ANGPT1: variants seen among roughly 807,000 people sequenced by gnomAD.
ANGPT1 encodes the protein angiopoietin-1.
In ANGPT1, 17 loss-of-function variants were observed where a neutral mutation model predicts 62.2. That is an observed-to-expected ratio of 0.27 (90% CI 0.19 to 0.41). The LOEUF (loss-of-function observed/expected upper bound fraction) is 0.41, where lower values mean the gene tolerates loss of function less well. ANGPT1 is among the 10% of genes least tolerant of loss of function. The probability of loss-of-function intolerance (pLI) is 1.00; values close to 1 mark genes in which losing one functional copy is unlikely to be tolerated. For missense variants in ANGPT1, 478 were observed against 594.9 expected, an observed-to-expected ratio of 0.80 and a Z score of 2.04; for synonymous variants, 199 against 198.9, an observed-to-expected ratio of 1.00 and a Z score of 0.00.
chr8:107,482,560 A>G (rs1242140172), intron 1 of ANGPT1, among the ~76,000 whole-genome samples: 2 of 152,150 alleles, frequency 1.3e-5, no homozygotes, highest in Non-Finnish European at 1.5e-5. Context: ...TGGGAATTCA[A>G]TTCCCTTTTA....
intron 1 of ANGPT1, among the ~76,000 whole-genome samples, chr8:107,481,153 T>G (rs1812668616): frequency 6.6e-6 from 1 of 152,180 alleles, no homozygotes; most frequent in South Asian, 2.1e-4. Context: ...GGGCAATTTT[T>G]CAAGACTTTC....
At chr8:107,397,753 T>C (rs1292129422) in intron 1 of ANGPT1, among the ~76,000 whole-genome samples, 1 of 152,120 alleles carries the variant, frequency 6.6e-6, no homozygotes, top group East Asian at 1.9e-4. Context: ...TTACCCCTTT[T>C]CAGTCCTATA....
At chr8:107,370,013 G>T (rs1354483618) in intron 1 of ANGPT1, among the ~76,000 whole-genome samples, 2 of 151,600 alleles carry the variant, frequency 1.3e-5, no homozygotes, top group Admixed American at 6.6e-5. Flanking sequence ...GCACGCATCT[G>T]CAGTCCCAGC....
At chr8:107,395,144 GT>G in intron 1 of ANGPT1, among the ~76,000 whole-genome samples, 1 of 152,084 alleles carries the variant, frequency 6.6e-6, no homozygotes. Context: ...GCTTTTATCT[GT>G]TTTTCATTTA....
chr8:107,381,763 T>C (rs1816642152), intron 1 of ANGPT1, among the ~76,000 whole-genome samples: 1 of 152,172 alleles, frequency 6.6e-6, no homozygotes, highest in South Asian at 2.1e-4. Flanking sequence ...ACTGGGACAG[T>C]GGGCATGACA....
intron 3 of ANGPT1, among the ~76,000 whole-genome samples, chr8:107,323,636 A>G (rs1269540574): frequency 6.6e-6 from 1 of 152,174 alleles, no homozygotes; most frequent in Non-Finnish European, 1.5e-5. Flanking sequence ...ATCCTGGTAG[A>G]TGCCAGAAAC....
intron 1 of ANGPT1, among the ~76,000 whole-genome samples, chr8:107,386,559 T>A (rs1816735273): frequency 6.6e-6 from 1 of 152,088 alleles, no homozygotes; most frequent in South Asian, 2.1e-4. Context: ...TAAGCCAACC[T>A]TAAATCACAT....
intron 1 of ANGPT1, among the ~76,000 whole-genome samples, chr8:107,411,803 C>A (rs1168434755): frequency 6.6e-6 from 1 of 152,148 alleles, no homozygotes; most frequent in Non-Finnish European, 1.5e-5. Flanking sequence ...TCCAACTATG[C>A]ATTTGGAGAA....
intron 7 of ANGPT1, among the ~76,000 whole-genome samples, chr8:107,271,087 G>A (rs1288817570): frequency 6.6e-6 from 1 of 151,868 alleles, no homozygotes; most frequent in African/African-American, 2.4e-5. Context: ...CCACACACAC[G>A]AAATGGAGAA....
At chr8:107,433,639 G>A (rs1811260135) in intron 1 of ANGPT1, among the ~76,000 whole-genome samples, 1 of 152,166 alleles carries the variant, frequency 6.6e-6, no homozygotes, top group South Asian at 2.1e-4. Context: ...TTAAAAGGAT[G>A]AAACAGGATA....
At chr8:107,440,787 C>T (rs1026625555) in intron 1 of ANGPT1, among the ~76,000 whole-genome samples, 1 of 152,042 alleles carries the variant, frequency 6.6e-6, no homozygotes, top group Non-Finnish European at 1.5e-5. Flanking sequence ...TCAGAATAAC[C>T]AGTAGGTAAT....
chr8:107,304,651 T>C (rs1342298155), intron 4 of ANGPT1, among the ~76,000 whole-genome samples: 1 of 151,866 alleles, frequency 6.6e-6, no homozygotes, highest in East Asian at 1.9e-4. Flanking sequence ...CTAATCTTTA[T>C]GGAAATAATT....
intron 1 of ANGPT1, among the ~76,000 whole-genome samples, chr8:107,402,920 C>T (rs1035763066): frequency 6.6e-6 from 1 of 152,078 alleles, no homozygotes; most frequent in Non-Finnish European, 1.5e-5. Context: ...ACATTTAGTA[C>T]ATTTAGTAAT....
intron 1 of ANGPT1, among the ~76,000 whole-genome samples, chr8:107,471,573 T>C (rs1256623745): frequency 1.3e-5 from 2 of 151,988 alleles, no homozygotes; most frequent in African/African-American, 4.8e-5. Context: ...ATCATAAACT[T>C]TCCTGCATAT....
chr8:107,318,832 A>G (rs1815083018), intron 4 of ANGPT1, among the ~76,000 whole-genome samples: 4 of 152,184 alleles, frequency 2.6e-5, no homozygotes, highest in Admixed American at 2.6e-4. Flanking sequence ...CTTTGTGGTC[A>G]GAACATTTAC....
intron 1 of ANGPT1, among the ~76,000 whole-genome samples, chr8:107,466,354 G>T (rs910077906): frequency 2.0e-5 from 3 of 152,020 alleles, no homozygotes; most frequent in Non-Finnish European, 4.4e-5. Flanking sequence ...AGGAGTCTGT[G>T]ATCCAGCTCC....
At chr8:107,396,821 C>A (rs1001854427) in intron 1 of ANGPT1, among the ~76,000 whole-genome samples, 30 of 152,182 alleles carry the variant, frequency 2.0e-4, no homozygotes, top group South Asian at 2.1e-4. Flanking sequence ...CTGCACCCGG[C>A]CCTTCTTTTA....
intron 1 of ANGPT1, among the ~76,000 whole-genome samples, chr8:107,491,791 G>A (rs71524711): frequency 6.6e-6 from 1 of 152,170 alleles, no homozygotes; most frequent in South Asian, 2.1e-4. Flanking sequence ...GAAGTTGTAG[G>A]AGGATTTTAA....
intron 1 of ANGPT1, among the ~76,000 whole-genome samples, chr8:107,476,941 T>G (rs1358657253): frequency 6.6e-6 from 1 of 152,124 alleles, no homozygotes; most frequent in Non-Finnish European, 1.5e-5. Flanking sequence ...TCCTTTTATC[T>G]GCTTGCTTAT....
Sources: allele counts gnomAD v4.1 joint callset (sites outside exome capture counted in the v4.1 genomes callset), GRCh38; gene constraint gnomAD v4.1.1; transcripts MANE v1.5; gene names NCBI Gene and HGNC (gene_info 2026-07-23, HGNC 2026-07-21).